The following PDS5B variants were observed in gnomAD, a reference collection of about 807,000 sequenced individuals.
The protein encoded by PDS5B is PDS5 cohesin associated factor B.
In PDS5B, 51 loss-of-function variants were observed where a neutral mutation model predicts 184.1. That is an observed-to-expected ratio of 0.28 (90% confidence interval 0.22 to 0.35). The LOEUF (loss-of-function observed/expected upper bound fraction) is 0.35, where lower values mean the gene tolerates loss of function less well. Among genes scored for constraint, PDS5B ranks in the 10% least tolerant of loss-of-function variants. The probability of loss-of-function intolerance (pLI) is 1.00; values close to 1 mark genes in which losing one functional copy is unlikely to be tolerated. For synonymous variants in PDS5B, 566 were observed against 569.2 expected, an observed-to-expected ratio of 0.99 and a Z score of 0.08; for missense variants, 1,180 against 1,723.3, an observed-to-expected ratio of 0.68 and a Z score of 5.58.
chr13:32,661,433 AC>A (rs1457585450), intron 6 of PDS5B, among the ~76,000 whole-genome samples: 1 of 150,782 alleles, frequency 6.6e-6, no homozygotes, highest in East Asian at 1.9e-4. Context: ...AAGAAAAATG[AC>A]CACCAAAATA....
intron 1 of PDS5B, among the ~76,000 whole-genome samples, chr13:32,616,562 A>G (rs978524728): frequency 1.3e-5 from 2 of 152,188 alleles, no homozygotes; most frequent in Non-Finnish European, 2.9e-5. Context: ...TATTATGCCT[A>G]TGTCTGCATA....
intron 24 of PDS5B, among the ~76,000 whole-genome samples, chr13:32,749,795 CA>C (rs1230818864): frequency 6.6e-6 from 1 of 151,344 alleles, no homozygotes; most frequent in African/African-American, 2.4e-5. Context: ...ATTTTATAGT[CA>C]GTAGTGAATA....
Position 32,747,810 on chromosome 13 carries a change from A to G in PDS5B, c.2736+1710A>G, listed in dbSNP as rs149143643. 4.9e-3 allele frequency among the ~76,000 whole-genome samples: 747 copies of G among 152,350 alleles called. 3 individuals carry two copies. The highest frequency in any genetic ancestry group is 6.8e-3 in the Middle Eastern group (2 of 294). ...GGCATTTCTTAGAGCATTTGCTGCTATCATTATTGAAGTGGAAATATTTAA... is the reference window on the plus strand; with the variant it reads ...GGCATTTCTTAGAGCATTTGCTGCTGTCATTATTGAAGTGGAAATATTTAA... On this transcript the variant is annotated intron_variant, in intron 24 of 34. Transcript: ENST00000315596.
chr13:32,620,117 T>C (rs1376527190), intron 1 of PDS5B, among the ~76,000 whole-genome samples: 2 of 152,140 alleles, frequency 1.3e-5, no homozygotes, highest in Non-Finnish European at 2.9e-5. Flanking sequence ...ATTTTTAAAA[T>C]GTATCTTATA....
chr13:32,687,013 G>T, intron 11 of PDS5B, 121 bp from the exon 12 acceptor site: 1 of 675,500 alleles, frequency 1.5e-6, no homozygotes, highest in Admixed American at 2.7e-5. Flanking sequence ...TTGATATTTA[G>T]TATCTGAGAC....
In PDS5B at chr13:32,775,775, G is replaced by C. The variant is rs1179967858; in HGVS notation, c.*723G>C. The C allele has an allele frequency of 2.6e-6, 1 of 387,434 alleles. No homozygotes were observed. Among genetic ancestry groups the C allele is most frequent in the Admixed American group, 3.2e-5 (1 of 30,928 alleles). 24.0% of individuals were successfully genotyped at this position (387,434 alleles called of 1,614,324 possible). A position where few individuals can be genotyped will look rare whatever the true frequency, so the allele number is the denominator to read the frequency against. On this transcript the variant is annotated 3_prime_UTR_variant, in exon 35 of 35. Transcript: ENST00000315596. ...CCTTTCATGGCAATGAAAATTTTAAGAAGAAAGATTTAAAGTATTTTAATT... is the reference window on the plus strand; with the variant it reads ...CCTTTCATGGCAATGAAAATTTTAACAAGAAAGATTTAAAGTATTTTAATT...
At chr13:32,654,696 C>G (rs1165951814) in intron 3 of PDS5B, among the ~76,000 whole-genome samples, 1 of 152,090 alleles carries the variant, frequency 6.6e-6, no homozygotes, top group Admixed American at 6.6e-5. Context: ...CACCCTCCAC[C>G]GTCAAGAAGA....
chr13:32,698,131 C>T (rs1346921515), intron 15 of PDS5B, among the ~76,000 whole-genome samples: 1 of 151,672 alleles, frequency 6.6e-6, no homozygotes, highest in Admixed American at 6.6e-5. Context: ...TGGTATCCTG[C>T]AGTTGTTAAT....
chr13:32,671,487 A>C (rs1950933869), intron 7 of PDS5B, among the ~76,000 whole-genome samples: 1 of 152,194 alleles, frequency 6.6e-6, no homozygotes, highest in Non-Finnish European at 1.5e-5. Context: ...AAATTTGTGA[A>C]TGGAAGCAAA....
At chr13:32,669,157 C>G (rs562933304) in intron 7 of PDS5B, among the ~76,000 whole-genome samples, 1 of 152,070 alleles carries the variant, frequency 6.6e-6, no homozygotes, top group Non-Finnish European at 1.5e-5. Flanking sequence ...TTAAAACATT[C>G]TGTAATTATC....
intron 18 of PDS5B, among the ~76,000 whole-genome samples, chr13:32,709,019 T>C (rs761734692): frequency 6.6e-6 from 1 of 152,124 alleles, no homozygotes; most frequent in African/African-American, 2.4e-5. Context: ...CCAGGTATCA[T>C]TGTCCTGAAT....
At chr13:32,706,831 C>A in intron 17 of PDS5B, 103 bp from the exon 18 acceptor site, 1 of 505,362 alleles carries the variant, frequency 2.0e-6, no homozygotes, top group Non-Finnish European at 3.5e-6. Flanking sequence ...GTATTTGGTT[C>A]GGATATGTAT....
At chr13:32,632,714 G>A (rs545607934) in intron 1 of PDS5B, among the ~76,000 whole-genome samples, 8 of 152,328 alleles carry the variant, frequency 5.3e-5, no homozygotes, top group African/African-American at 1.4e-4. Flanking sequence ...TTGCAGCACT[G>A]TTCACAGTAG....
chr13:32,774,185 A>T (rs1328462267), intron 34 of PDS5B, among the ~76,000 whole-genome samples: 1 of 152,192 alleles, frequency 6.6e-6, no homozygotes, highest in East Asian at 1.9e-4. Flanking sequence ...AACATAATAC[A>T]TTTAAGTAGA....
chr13:32,685,465 ATATTG>A (rs1302567785), intron 11 of PDS5B, among the ~76,000 whole-genome samples: 3 of 152,124 alleles, frequency 2.0e-5, no homozygotes, highest in Non-Finnish European at 4.4e-5. Context: ...TCATCATGTT[ATATTG>A]TATGGTTGCT....
At chr13:32,587,367 T>G (rs1440779187) in intron 1 of PDS5B, among the ~76,000 whole-genome samples, 6 of 152,108 alleles carry the variant, frequency 3.9e-5, no homozygotes, top group African/African-American at 1.4e-4. Context: ...AGGCCACAAC[T>G]GGGTTCTAGC....
intron 29 of PDS5B, among the ~76,000 whole-genome samples, chr13:32,759,997 C>A (rs1004297447): frequency 1.3e-5 from 2 of 151,830 alleles, no homozygotes; most frequent in Non-Finnish European, 2.9e-5. Flanking sequence ...GTCTCTGTTG[C>A]CCAGGCTGGA....
rs1349533710 is a variant in PDS5B at position 32,775,073 on chromosome 13, T to C, written c.*21T>C. On this transcript the variant is annotated 3_prime_UTR_variant, in exon 35 of 35. Coordinates refer to ENST00000315596, the MANE Select transcript of PDS5B (RefSeq NM_015032.4). The stretch of plus-strand genomic sequence containing the variant: ...GATGAACAAATGTAATTAATAACTT[T>C]CTCTGTGAAAGCTTTGGAAAAATCT... The C allele has an allele frequency of 6.6e-7, 1 of 1,504,688 alleles. No individual in the cohort carries two copies. The highest frequency in any genetic ancestry group is 1.2e-5 in the South Asian group (1 of 86,802). The allele number at this position is 1,504,688 out of a possible 1,614,324, so 93.2% of individuals were successfully genotyped here.
At chr13:32,684,489 A>G (rs1951332105) in intron 11 of PDS5B, among the ~76,000 whole-genome samples, 1 of 152,218 alleles carries the variant, frequency 6.6e-6, no homozygotes, top group African/African-American at 2.4e-5. Context: ...ATAGAGCACC[A>G]TGCTTCTAGC....
Sources: gnomAD v4.1 joint callset for allele counts (sites outside exome capture counted in the v4.1 genomes callset) on GRCh38, gnomAD v4.1.1 for gene constraint, MANE v1.5 for transcripts, NCBI Gene and HGNC (gene_info 2026-07-23, HGNC 2026-07-21) for gene names.